NLGN4X: variants seen among roughly 807,000 people sequenced by gnomAD.
NLGN4X encodes neuroligin 4 X-linked, also known as neuroligin-4, X-linked.
A neutral mutation model predicts 40.3 loss-of-function variants in NLGN4X; 3 were observed. That is an observed-to-expected ratio of 0.07 (90% confidence interval 0.03 to 0.19). NLGN4X has a LOEUF of 0.19. Among genes scored for constraint, NLGN4X ranks in the 10% least tolerant of loss-of-function variants. The pLI, the probability that NLGN4X is intolerant of heterozygous loss-of-function variation, is 1.00. For missense variants in NLGN4X, 382 were observed against 708.3 expected (o/e 0.54, Z 5.23); for synonymous variants, 270 against 306.8 (o/e 0.88, Z 1.25).
rs189618654 is a variant in NLGN4X, at chrX:6,018,676, C to T, written c.625+10604G>A. 3.8e-3 allele frequency among the ~76,000 whole-genome samples: 421 copies of T among 111,988 alleles called. 4 individuals are homozygous for T. The highest frequency in any genetic ancestry group is 0.013 in the African/African-American group (403 of 30,845). On this transcript the variant is annotated intron_variant, in intron 3 of 5. Coordinates refer to ENST00000381095, the MANE Select transcript of NLGN4X (RefSeq NM_181332.3). ...ATCATACCTGCCTGTTTATGATTTA[C>T]AATGATGTGTTGATTTTACCCATCT...
At chrX:6,076,480 G>A (rs1033647133) in intron 2 of NLGN4X, among the ~76,000 whole-genome samples, 1 of 111,679 alleles carries the variant, frequency 9.0e-6, no homozygotes, top group Non-Finnish European at 1.9e-5. Flanking sequence ...TTTTCTGGTT[G>A]TTCTCATTGT....
intron 2 of NLGN4X, among the ~76,000 whole-genome samples, chrX:6,036,887 G>C (rs1417086763): frequency 3.6e-5 from 4 of 111,515 alleles, no homozygotes; most frequent in African/African-American, 1.3e-4. Flanking sequence ...TAATCCTGAA[G>C]AATATTCCAG....
intron 3 of NLGN4X, among the ~76,000 whole-genome samples, chrX:5,928,548 C>G (rs971123112): frequency 8.9e-6 from 1 of 111,953 alleles, no homozygotes; most frequent in African/African-American, 3.2e-5. Context: ...ATATTTTAGG[C>G]AGTTTACTTG....
At chrX:6,097,399 C>T (rs766870151) in intron 2 of NLGN4X, among the ~76,000 whole-genome samples, 1 of 110,886 alleles carries the variant, frequency 9.0e-6, no homozygotes, top group East Asian at 2.8e-4. Flanking sequence ...TAGCAGAGGC[C>T]AAAGAACATA....
chrX:5,920,755 C>A (rs1391669879), intron 3 of NLGN4X, among the ~76,000 whole-genome samples: 5 of 111,051 alleles, frequency 4.5e-5, no homozygotes, highest in African/African-American at 6.6e-5. Context: ...CTGGGATTTT[C>A]ACCCTGCCTG....
chrX:6,011,983 C>T (rs4542074), intron 3 of NLGN4X, among the ~76,000 whole-genome samples: 11,812 of 110,277 alleles, frequency 0.11, 575 homozygotes, highest in Non-Finnish European at 0.15. Context: ...CGTTTTAAAA[C>T]TTGAGATATA....
At chrX:6,221,797 CT>C (rs763853355) in intron 1 of NLGN4X, among the ~76,000 whole-genome samples, 3 of 110,468 alleles carry the variant, frequency 2.7e-5, no homozygotes, top group Non-Finnish European at 5.7e-5. Context: ...CTGAACAGCT[CT>C]GACCATTGGA....
chrX:5,906,422 C>T (rs993598149), intron 4 of NLGN4X, among the ~76,000 whole-genome samples: 2 of 111,938 alleles, frequency 1.8e-5, no homozygotes, highest in Non-Finnish European at 3.8e-5. Flanking sequence ...AATGAAGACA[C>T]TGAGGAGCAC....
At chrX:6,032,067 C>G (rs774764021) in intron 2 of NLGN4X, among the ~76,000 whole-genome samples, 21 of 93,655 alleles carry the variant, frequency 2.2e-4, no homozygotes, top group Middle Eastern at 6.0e-3. Flanking sequence ...TTCCCCACCC[C>G]CCCTTAAATG....
chrX:5,914,795 G>T (rs1382565446), intron 3 of NLGN4X, among the ~76,000 whole-genome samples: 2 of 111,741 alleles, frequency 1.8e-5, no homozygotes, highest in Non-Finnish European at 3.8e-5. Context: ...TCATGCAAAT[G>T]AGGTCAAAAA....
intron 3 of NLGN4X, among the ~76,000 whole-genome samples, chrX:6,026,962 T>C (rs764557273): frequency 1.1e-4 from 12 of 111,445 alleles, no homozygotes; most frequent in Non-Finnish European, 1.9e-4. Flanking sequence ...AACTGAGCTT[T>C]AGGGGGAAAA....
chrX:6,055,792 A>T (rs2037610472), intron 2 of NLGN4X, among the ~76,000 whole-genome samples: 1 of 111,898 alleles, frequency 8.9e-6, no homozygotes, highest in South Asian at 3.7e-4. Context: ...AGAGGATTTG[A>T]TAAATGATTT....
At chrX:5,907,528 G>A (rs985460806) in intron 4 of NLGN4X, among the ~76,000 whole-genome samples, 1 of 111,838 alleles carries the variant, frequency 8.9e-6, no homozygotes, top group African/African-American at 3.3e-5. Context: ...GTGCACATCT[G>A]GTTGGGTACG....
chrX:6,128,498 T>C (rs369083416), intron 2 of NLGN4X, among the ~76,000 whole-genome samples: 19 of 112,446 alleles, frequency 1.7e-4, no homozygotes, highest in African/African-American at 5.8e-4. Flanking sequence ...TCAATGCTTG[T>C]ATTGTATCTC....
intron 2 of NLGN4X, among the ~76,000 whole-genome samples, chrX:6,112,231 C>T (rs746120896): frequency 4.5e-5 from 5 of 111,239 alleles, no homozygotes; most frequent in African/African-American, 1.3e-4. Context: ...ACGGGATCAA[C>T]GGAAGCCTGA....
At chrX:6,158,070 A>C (rs1230336407) in intron 1 of NLGN4X, among the ~76,000 whole-genome samples, 1 of 112,130 alleles carries the variant, frequency 8.9e-6, no homozygotes, top group Non-Finnish European at 1.9e-5. Flanking sequence ...GTGAAATTAA[A>C]TGTTTTCCAG....
chrX:6,087,547 G>C (rs1258122119), intron 2 of NLGN4X, among the ~76,000 whole-genome samples: 1 of 111,927 alleles, frequency 8.9e-6, no homozygotes, highest in Non-Finnish European at 1.9e-5. Flanking sequence ...AAAAATTTCA[G>C]TTGCAATGAT....
chrX:6,208,580 A>T (rs16983981), intron 1 of NLGN4X, among the ~76,000 whole-genome samples: 1,189 of 112,206 alleles, frequency 0.011, 12 homozygotes, highest in African/African-American at 0.034. Context: ...CGGGGCTACT[A>T]GAACCCAAAA....
chrX:5,906,837 G>A (rs965311987), intron 4 of NLGN4X, among the ~76,000 whole-genome samples: 4 of 111,212 alleles, frequency 3.6e-5, no homozygotes, highest in Non-Finnish European at 7.5e-5. Flanking sequence ...ATAATCATTC[G>A]GGAGGTCGAG....
Sources: allele counts gnomAD v4.1 joint callset (sites outside exome capture counted in the v4.1 genomes callset), GRCh38; gene constraint gnomAD v4.1.1; transcripts MANE v1.5; gene names NCBI Gene and HGNC (gene_info 2026-07-23, HGNC 2026-07-21).